PHC2: variants seen among roughly 807,000 people sequenced by gnomAD.
The protein encoded by PHC2 is polyhomeotic homolog 2.
PHC2 carries 29 observed loss-of-function variants against 87.4 expected under a neutral mutation model. The ratio of observed to expected loss-of-function variants is 0.33; its 90% CI spans 0.25 to 0.45. The LOEUF (loss-of-function observed/expected upper bound fraction) is 0.45. PHC2 is among the 20% of genes least tolerant of loss of function. The pLI, the probability that PHC2 is intolerant of heterozygous loss-of-function variation, is 1.00. For synonymous variants in PHC2, 438 were observed against 461.7 expected, an observed-to-expected ratio of 0.95 and a Z score of 0.66; for missense variants, 857 against 1,136.7, an observed-to-expected ratio of 0.75 and a Z score of 3.54.
At chr1:33,386,341 C>T (rs1648749145) in intron 1 of PHC2, among the ~76,000 whole-genome samples, 1 of 151,688 alleles carries the variant, frequency 6.6e-6, no homozygotes, top group Non-Finnish European at 1.5e-5. Context: ...CATAGTGAAA[C>T]CCCGTCTCTA....
chr1:33,395,618 G>A (rs544691857), intron 1 of PHC2, among the ~76,000 whole-genome samples: 1 of 152,264 alleles, frequency 6.6e-6, no homozygotes, highest in African/African-American at 2.4e-5. Context: ...TATGTGATAA[G>A]GCAAGTATGG....
chr1:33,426,849 A>C (rs1432006169), intron 1 of PHC2, among the ~76,000 whole-genome samples: 1 of 152,208 alleles, frequency 6.6e-6, no homozygotes, highest in East Asian at 1.9e-4. Context: ...AGATACCTTC[A>C]GGCAGAACTG....
At chr1:33,425,025 G>A (rs1221996090) in intron 1 of PHC2, among the ~76,000 whole-genome samples, 1 of 152,148 alleles carries the variant, frequency 6.6e-6, no homozygotes, top group South Asian at 2.1e-4. Context: ...GCATGGTGTC[G>A]GGAAAAGAGC....
chr1:33,393,160 T>C (rs1244901726), intron 1 of PHC2, among the ~76,000 whole-genome samples: 1 of 152,300 alleles, frequency 6.6e-6, no homozygotes, highest in East Asian at 1.9e-4. Flanking sequence ...GGATCTTTGT[T>C]AGTTATCACT....
chr1:33,335,109 C>T, intron 9 of PHC2: 1 of 772,982 alleles, frequency 1.3e-6, no homozygotes, highest in African/African-American at 1.9e-5. Context: ...CCCCATGGGC[C>T]TGCTAGCCTT....
Position 33,332,818 on chromosome 1 carries a change from A to ATT in PHC2, c.1762-416_1762-415dup, listed in dbSNP as rs1646532206. 6.6e-6 allele frequency among the ~76,000 whole-genome samples: 1 copy of ATT among 151,964 alleles called. No homozygotes were observed. The highest frequency in any genetic ancestry group is 1.5e-5 in the Non-Finnish European group (1 of 68,006). On this transcript the variant is annotated intron_variant, in intron 10 of 14. Coordinates refer to ENST00000683057, the MANE Select transcript of PHC2 (RefSeq NM_001385109.1). The surrounding 1 kb of genome is among the most constrained non-coding windows in gnomAD (Gnocchi z 4.2). ...AGAGAGACTCAGCACCCATTTTCTG[A>ATT]TTTTTTTACTGTTCTCCACCTTACC...
rs940787465 is a variant in PHC2 at position 33,349,911 on chromosome 1, G to C, written c.1558+4490C>G. The C allele has an allele frequency of 1.5e-5, 15 of 971,584 alleles. No homozygotes were observed. Among genetic ancestry groups the C allele is most frequent in the African/African-American group, 1.8e-5 (1 of 56,324 alleles). The allele number at this position is 971,584 out of a possible 1,614,324, so 60.2% of individuals were successfully genotyped here. On this transcript the variant is annotated intron_variant, in intron 9 of 14. Transcript: ENST00000683057. The surrounding 1 kb of genome is among the most constrained non-coding windows in gnomAD (Gnocchi z 4.2). ...CGCGGAGACAATGCGGCGAGTCTGG[G>C]ACGGCTCCCGCGGCCGCCTCCGCCG...
At chr1:33,388,879 C>A (rs866484426) in intron 1 of PHC2, among the ~76,000 whole-genome samples, 6 of 152,040 alleles carry the variant, frequency 3.9e-5, no homozygotes, top group South Asian at 4.2e-4. Context: ...TAGTCTGAAT[C>A]TGGAGCTCAT....
intron 1 of PHC2, among the ~76,000 whole-genome samples, chr1:33,421,375 TAAG>T (rs1166027998): frequency 6.6e-6 from 1 of 151,174 alleles, no homozygotes; most frequent in Non-Finnish European, 1.5e-5. Flanking sequence ...TTGGGGGAAA[TAAG>T]AAAAAAAATA....
intron 1 of PHC2, among the ~76,000 whole-genome samples, chr1:33,381,460 A>G (rs1051149638): frequency 6.6e-6 from 1 of 152,246 alleles, no homozygotes; most frequent in Non-Finnish European, 1.5e-5. Context: ...TATACTAATA[A>G]TAGTGATTAT....
chr1:33,399,168 G>A (rs1649413809), intron 1 of PHC2, among the ~76,000 whole-genome samples: 1 of 152,118 alleles, frequency 6.6e-6, no homozygotes, highest in Admixed American at 6.6e-5. Flanking sequence ...AGGACAAGGT[G>A]CTATGCTACA....
In PHC2 at chr1:33,343,306, CAA is replaced by C. The variant is rs559042047; in HGVS notation, c.1559-9016_1559-9015del. ...TGAAACCCTGTCTCTAGTAAAAATA[CAA>C]AAAAAAAAATAAATAACTGGGTGTG... On this transcript the variant is annotated intron_variant, in intron 9 of 14. Coordinates refer to ENST00000683057, the MANE Select transcript of PHC2 (RefSeq NM_001385109.1). Among the ~76,000 whole-genome samples, 100 of 138,098 alleles carry C rather than the reference CAA, an allele frequency of 7.2e-4. No individual in the cohort carries two copies. In the East Asian group the frequency reaches 0.014, roughly 20 times the overall value. The allele number at this position is 138,098 out of a possible 152,430, so 90.6% of individuals were successfully genotyped here.
intron 9 of PHC2, among the ~76,000 whole-genome samples, chr1:33,354,197 C>T (rs1378145885): frequency 6.6e-6 from 1 of 152,192 alleles, no homozygotes; most frequent in East Asian, 1.9e-4. Context: ...CTTCTGTCTC[C>T]ACCCTCTTGC....
chr1:33,390,727 G>T (rs576034283), intron 1 of PHC2, among the ~76,000 whole-genome samples: 1 of 150,036 alleles, frequency 6.7e-6, no homozygotes, highest in Non-Finnish European at 1.5e-5. Context: ...GAGTATCTAG[G>T]TTAGGCCTTG....
At chr1:33,378,616 G>A (rs1648300990) in intron 1 of PHC2, among the ~76,000 whole-genome samples, 1 of 152,216 alleles carries the variant, frequency 6.6e-6, no homozygotes, top group Non-Finnish European at 1.5e-5. Flanking sequence ...TTCTGTGAGT[G>A]TAGTTAATCA....
intron 9 of PHC2, among the ~76,000 whole-genome samples, chr1:33,335,909 G>A (rs376293649): frequency 3.8e-4 from 39 of 102,196 alleles, no homozygotes; most frequent in Non-Finnish European, 1.0e-4. Flanking sequence ...TGGGGGGGGA[G>A]GGGGGGAAAG....
intron 1 of PHC2, among the ~76,000 whole-genome samples, chr1:33,415,511 A>G (rs1258898565): frequency 6.6e-6 from 1 of 152,240 alleles, no homozygotes; most frequent in Non-Finnish European, 1.5e-5. Context: ...AAGTAATCCT[A>G]GGTAACATAA....
Position 33,370,533 on chromosome 1 carries a change from C to T in PHC2, c.464G>A (p.Ser155Asn), listed in dbSNP as rs761432411. The part of the protein sequence containing the change: ...AAAQLLNRAQ[S>N]VNSAAASGIA... Reference sequence around the variant, plus strand: ...GCCTGAGGCTGCTGCAGAGTTCACACTCTGGGCCCGGTTGAGGAGCTGGGC... The same window carrying T: ...GCCTGAGGCTGCTGCAGAGTTCACATTCTGGGCCCGGTTGAGGAGCTGGGC... Residue 155 changes from serine (S) to asparagine (N), a missense_variant, in exon 5 of 15, where the codon AGT becomes AAT. By Grantham distance (46) the Ser-to-Asn change is conservative (BLOSUM62 1). Coordinates refer to ENST00000683057, the MANE Select transcript of PHC2 (RefSeq NM_001385109.1). 2.5e-6 allele frequency: 4 copies of T among 1,614,076 alleles called. No homozygotes were observed. Among genetic ancestry groups the T allele is most frequent in the Non-Finnish European group, 3.4e-6 (4 of 1,179,938 alleles).
Position 33,323,978 on chromosome 1 carries a change from C to T in PHC2, c.*887G>A, listed in dbSNP as rs1049494612. 2 of 152,352 alleles carry T rather than the reference C, an allele frequency of 1.3e-5. No homozygotes were observed. Among genetic ancestry groups the T allele is most frequent in the African/African-American group, 4.8e-5 (2 of 41,472 alleles). The allele number at this position is 152,352 out of a possible 1,614,324, so 9.4% of individuals were successfully genotyped here. ...GTGGGCGGGCAGGCAGGCCAGGAGG[C>T]TCAGCCCTTTGGGCTATGTTGCTCA... On this transcript the variant is annotated 3_prime_UTR_variant, in exon 15 of 15. Coordinates refer to ENST00000683057, the MANE Select transcript of PHC2 (RefSeq NM_001385109.1).
Sources: gnomAD v4.1 joint callset for allele counts (sites outside exome capture counted in the v4.1 genomes callset) on GRCh38, gnomAD v4.1.1 for gene constraint, Gnocchi (gnomAD v3.1) non-coding constraint, MANE v1.5 for transcripts, NCBI Gene and HGNC (gene_info 2026-07-23, HGNC 2026-07-21) for gene names.